FDFT1: variants seen among roughly 807,000 people sequenced by gnomAD.
FDFT1 encodes the protein farnesyl-diphosphate farnesyltransferase 1.
A neutral mutation model predicts 46.8 loss-of-function variants in FDFT1; 68 were observed. That is an observed-to-expected ratio of 1.45 (90% CI 1.19 to 1.78). The LOEUF is 1.78. Among genes scored for constraint, FDFT1 ranks in the 40% most tolerant of loss-of-function variants. The pLI is 0.00. For missense variants in FDFT1, 928 were observed against 524.4 expected, an observed-to-expected ratio of 1.77 and a Z score of -7.52; for synonymous variants, 351 against 185.1, an observed-to-expected ratio of 1.90 and a Z score of -7.28.
At chr8:11,811,678 TAG>T (rs763036859) in intron 3 of FDFT1, among the ~76,000 whole-genome samples, 87 of 152,346 alleles carry the variant, frequency 5.7e-4, no homozygotes, top group Non-Finnish European at 2.9e-4. Context: ...TTTTGGGTAG[TAG>T]AGTTAGAGAT....
At chr8:11,824,714 T>C (rs574297514) in intron 4 of FDFT1, among the ~76,000 whole-genome samples, 17 of 152,296 alleles carry the variant, frequency 1.1e-4, no homozygotes, top group Non-Finnish European at 1.9e-4. Flanking sequence ...TTTGTGAGGA[T>C]TGAATGTGCA....
upstream of FDFT1, among the ~76,000 whole-genome samples, chr8:11,801,090 G>A (rs144655864): frequency 2.0e-4 from 30 of 152,298 alleles, no homozygotes; most frequent in Non-Finnish European, 4.4e-4. Context: ...GATGAGGTGT[G>A]AGCAGACTCG....
intron 3 of FDFT1, among the ~76,000 whole-genome samples, chr8:11,814,845 C>CT (rs1765980926): frequency 6.6e-6 from 1 of 151,748 alleles, no homozygotes; most frequent in Non-Finnish European, 1.5e-5. Context: ...AATCTAAGCT[C>CT]TTCAAGGGTC....
intron 3 of FDFT1, among the ~76,000 whole-genome samples, chr8:11,813,901 C>T (rs545682825): frequency 6.8e-6 from 1 of 147,296 alleles, no homozygotes; most frequent in African/African-American, 2.6e-5. Flanking sequence ...CAGGAAAGCC[C>T]TGTCCATCCT....
At chr8:11,830,187 T>C (rs1810576331) in intron 5 of FDFT1, 57 bp from the exon 6 acceptor site, 2 of 1,364,272 alleles carry the variant, frequency 1.5e-6, no homozygotes, top group Non-Finnish European at 2.1e-6. Flanking sequence ...TAATATTGTT[T>C]GTAAATTCTC....
At chr8:11,832,247 T>A (rs1416228218) in intron 7 of FDFT1, among the ~76,000 whole-genome samples, 1 of 144,424 alleles carries the variant, frequency 6.9e-6, no homozygotes, top group Non-Finnish European at 1.5e-5. Flanking sequence ...CTCTAATATT[T>A]GACTAGGTTC....
intron 3 of FDFT1, 36 bp downstream of exon 3, chr8:11,809,886 G>A: frequency 6.5e-7 from 1 of 1,542,466 alleles, no homozygotes; most frequent in South Asian, 1.2e-5. Flanking sequence ...ACGGACTGTT[G>A]TGTTCATAAT....
rs773517432 is a variant in FDFT1, at chr8:11,831,561, AG to A, written c.925del (p.Val309CysfsTer6). On this transcript the variant is annotated frameshift_variant, in exon 7 of 8. Transcript: ENST00000220584. LOFTEE classifies it high-confidence loss of function. ...TTGGCTGCCTGTTATAATAACCAGC[AG>A]GTGTTCAAAGGGGCAGTGAAGATTC... ...ATLAACYNNQ[Q>X]VFKGAVKIRK... The A allele has an allele frequency of 1.2e-6, 2 of 1,614,144 alleles. No individual in the cohort carries two copies. The highest frequency in any genetic ancestry group is 2.2e-5 in the South Asian group (2 of 91,086).
At chr8:11,812,645 C>T (rs970949534) in intron 3 of FDFT1, among the ~76,000 whole-genome samples, 1 of 152,262 alleles carries the variant, frequency 6.6e-6, no homozygotes, top group East Asian at 1.9e-4. Context: ...GTTACTAGCT[C>T]GATTGATCAT....
chr8:11,800,944 T>G (rs1170302682), upstream of FDFT1, among the ~76,000 whole-genome samples: 1 of 152,152 alleles, frequency 6.6e-6, no homozygotes, highest in Non-Finnish European at 1.5e-5. Flanking sequence ...ATTTTTAGTT[T>G]ACAGTAGTAG....
rs866905280 is a variant in FDFT1, at chr8:11,827,895, C to A, written c.702+1680C>A. On this transcript the variant is annotated intron_variant, in intron 5 of 7. Coordinates refer to ENST00000220584, the MANE Select transcript of FDFT1 (RefSeq NM_004462.5). ...TCTCTTAAAACAAAACAAAACAAAA[C>A]AAAACAAAAAAAACAGTAAAAATTG... Among the ~76,000 whole-genome samples the A allele has an allele frequency of 9.7e-4, 133 of 137,474 alleles. 1 individual carries two copies. Among genetic ancestry groups the A allele is most frequent in the Middle Eastern group, 3.6e-3 (1 of 280 alleles). 90.2% of individuals were successfully genotyped at this position (137,474 alleles called of 152,430 possible).
chr8:11,808,809 A>T lies in FDFT1; in HGVS notation c.115A>T (p.Ser39Cys), dbSNP rs1222048018. 1 of 1,613,838 alleles carries T rather than the reference A, an allele frequency of 6.2e-7. No homozygotes were observed. The highest frequency in any genetic ancestry group is 1.1e-5 in the South Asian group (1 of 90,866). The change falls in exon 2 of 8, where the codon AGC becomes TGC. Residue 39 changes from serine (S) to cysteine (C), a missense_variant. Ser to Cys is a moderately radical substitution (Grantham distance 112). Transcript: ENST00000220584. ...PKMDQDSLSSSLKTCYKYLNQ... is the reference protein window; with the variant it reads ...PKMDQDSLSSCLKTCYKYLNQ... ...CTGCCCGCAGGACTCGCTCAGCAGC[A>T]GCCTGAAAACTTGCTACAAGTATCT... is the stretch of plus-strand genomic sequence containing the variant.
At chr8:11,796,100 C>T (rs181246920) in intron 1 of FDFT1, 3 of 152,290 alleles carry the variant, frequency 2.0e-5, no homozygotes, top group African/African-American at 4.8e-5. Flanking sequence ...TTCACAGTGG[C>T]TTTAGACATT....
chr8:11,808,709 G>GTCCCAGTCCCAC (rs1554517488), intron 1 of FDFT1, 85 bp from the exon 2 acceptor site: 1 of 1,513,754 alleles, frequency 6.6e-7, no homozygotes, highest in Non-Finnish European at 8.9e-7. Flanking sequence ...GCCTGCCCCA[G>GTCCCAGTCCCAC]TCCCACTCCC....
upstream of FDFT1, chr8:11,802,535 C>G (rs996655123): frequency 1.8e-6 from 1 of 555,800 alleles, no homozygotes; most frequent in Non-Finnish European, 3.4e-6. Flanking sequence ...CTCCAATGAG[C>G]TTCTAGAGTG....
At chr8:11,828,166 T>G (rs534388858) in intron 5 of FDFT1, among the ~76,000 whole-genome samples, 167 of 152,174 alleles carry the variant, frequency 1.1e-3, no homozygotes, top group African/African-American at 3.7e-3. Flanking sequence ...CACACCCCTA[T>G]AGTTCTCGCT....
chr8:11,814,443 A>T (rs1055108539), intron 3 of FDFT1, among the ~76,000 whole-genome samples: 1 of 151,944 alleles, frequency 6.6e-6, no homozygotes, highest in Admixed American at 6.6e-5. Context: ...GTGTATTCCG[A>T]GGAAGTTTTT....
At chr8:11,803,539 A>G in intron 1 of FDFT1, 2 of 1,164,292 alleles carry the variant, frequency 1.7e-6, no homozygotes, top group South Asian at 3.1e-5. Flanking sequence ...GGTTTTACTT[A>G]GATTTTTATC....
In FDFT1 at chr8:11,838,774, A is replaced by C; in HGVS notation, c.*165A>C. The C allele has an allele frequency of 1.6e-6, 1 of 637,824 alleles. No homozygotes were observed. The highest frequency in any genetic ancestry group is 2.8e-5 in the East Asian group (1 of 36,108). 39.5% of individuals were successfully genotyped at this position (637,824 alleles called of 1,614,324 possible). On this transcript the variant is annotated 3_prime_UTR_variant, in exon 8 of 8. Transcript: ENST00000220584. ...AGTGAAATGCAGGTGAGAAGAACCT[A>C]AACATGAAAGGAAAGGGTGCCTCAT...
Sources: gnomAD v4.1 joint callset for allele counts (sites outside exome capture counted in the v4.1 genomes callset) on GRCh38, gnomAD v4.1.1 for gene constraint, MANE v1.5 for transcripts, NCBI Gene and HGNC (gene_info 2026-07-23, HGNC 2026-07-21) for gene names.